The following TNFSF4 variants were observed in gnomAD, a reference collection of about 807,000 sequenced individuals.
The protein encoded by TNFSF4 is TNF superfamily member 4.
TNFSF4 carries 4 observed loss-of-function variants against 7.3 expected under a neutral mutation model. The observed-to-expected ratio is 0.55, with a 90% CI of 0.27 to 1.25. The LOEUF (loss-of-function observed/expected upper bound fraction) is 1.25, where lower values mean the gene tolerates loss of function less well. Among genes scored for constraint, TNFSF4 ranks in the 50% most tolerant of loss-of-function variants. TNFSF4 has a pLI of 0.12. For missense variants in TNFSF4, 181 were observed against 208.8 expected (o/e 0.87, Z 0.82); for synonymous variants, 76 against 83.7 (o/e 0.91, Z 0.50).
At chr1:173,328,448 T>C in the TNFSF4 span, among the ~76,000 whole-genome samples, 2 of 151,898 alleles carry the variant, frequency 1.3e-5, no homozygotes, top group Non-Finnish European at 2.9e-5. Context: ...GGCACATGTA[T>C]ACATATGTAA....
chr1:173,434,184 T>C, the TNFSF4 span, among the ~76,000 whole-genome samples: 1 of 152,226 alleles, frequency 6.6e-6, no homozygotes, highest in East Asian at 1.9e-4. Context: ...TGTGGTATTT[T>C]CTTACAGCAT....
At chr1:173,203,628 C>T (rs752476810) in intron 1 of TNFSF4, among the ~76,000 whole-genome samples, 2 of 152,034 alleles carry the variant, frequency 1.3e-5, no homozygotes, top group Non-Finnish European at 2.9e-5. Flanking sequence ...CCAGCTTTCA[C>T]TGATACAGAA....
At chr1:173,346,623 A>C in the TNFSF4 span, among the ~76,000 whole-genome samples, 1 of 152,314 alleles carries the variant, frequency 6.6e-6, no homozygotes, top group Middle Eastern at 3.4e-3. Context: ...CTACCAAGGG[A>C]GAGATAAAGA....
the TNFSF4 span, among the ~76,000 whole-genome samples, chr1:173,396,460 T>C: frequency 6.6e-6 from 1 of 152,132 alleles, no homozygotes; most frequent in African/African-American, 2.4e-5. Flanking sequence ...CAGTAGGCTA[T>C]GTTCATACCA....
the TNFSF4 span, among the ~76,000 whole-genome samples, chr1:173,438,915 T>C: frequency 0.079 from 12,034 of 152,178 alleles, 1,613 homozygotes; most frequent in African/African-American, 0.27. Context: ...ATGTGGCAAA[T>C]AAATGAGGCT....
the TNFSF4 span, among the ~76,000 whole-genome samples, chr1:173,446,538 G>A: frequency 1.3e-5 from 2 of 152,200 alleles, no homozygotes; most frequent in Non-Finnish European, 2.9e-5. Flanking sequence ...GTTCCTGGGT[G>A]TGTCTGTGAG....
At chr1:173,258,193 A>G in the TNFSF4 span, among the ~76,000 whole-genome samples, 29 of 152,198 alleles carry the variant, frequency 1.9e-4, no homozygotes, top group African/African-American at 6.5e-4. Flanking sequence ...GGGAGGGGCT[A>G]AGATAGCTGA....
chr1:173,281,728 A>G, the TNFSF4 span, among the ~76,000 whole-genome samples: 2 of 152,186 alleles, frequency 1.3e-5, no homozygotes, highest in African/African-American at 4.8e-5. Flanking sequence ...AGGATGGAGT[A>G]ATCAAATCTT....
At chr1:173,386,153 G>A in the TNFSF4 span, among the ~76,000 whole-genome samples, 1 of 152,152 alleles carries the variant, frequency 6.6e-6, no homozygotes, top group Non-Finnish European at 1.5e-5. Flanking sequence ...AGGGGCCCAG[G>A]GTGCCTCTGG....
At chr1:173,298,346 G>A in the TNFSF4 span, among the ~76,000 whole-genome samples, 1 of 151,926 alleles carries the variant, frequency 6.6e-6, no homozygotes, top group African/African-American at 2.4e-5. Flanking sequence ...GAAGAGACAT[G>A]CTCTAAGATG....
At chr1:173,291,640 G>A in the TNFSF4 span, among the ~76,000 whole-genome samples, 1 of 151,904 alleles carries the variant, frequency 6.6e-6, no homozygotes, top group East Asian at 1.9e-4. Context: ...AAAAGAAGTA[G>A]CCAAAATCAG....
the TNFSF4 span, among the ~76,000 whole-genome samples, chr1:173,223,005 G>A: frequency 6.6e-6 from 1 of 152,200 alleles, no homozygotes; most frequent in African/African-American, 2.4e-5. Flanking sequence ...GCAGTCTGGG[G>A]AGACAGTCTA....
the TNFSF4 span, among the ~76,000 whole-genome samples, chr1:173,177,106 T>C: frequency 6.6e-6 from 1 of 152,192 alleles, no homozygotes; most frequent in Non-Finnish European, 1.5e-5. Flanking sequence ...CCCACACATG[T>C]AGCCCTGAAC....
the TNFSF4 span, among the ~76,000 whole-genome samples, chr1:173,389,919 T>C: frequency 6.6e-6 from 1 of 152,332 alleles, no homozygotes. Flanking sequence ...TTCATTAATA[T>C]ATTTATTCAT....
chr1:173,348,333 G>T, the TNFSF4 span, among the ~76,000 whole-genome samples: 1 of 152,096 alleles, frequency 6.6e-6, no homozygotes, highest in South Asian at 2.1e-4. Context: ...CTCTCCTCTT[G>T]TCTGCCACCA....
At chr1:173,410,133 C>T in the TNFSF4 span, among the ~76,000 whole-genome samples, 3 of 152,078 alleles carry the variant, frequency 2.0e-5, no homozygotes, top group Admixed American at 2.0e-4. Flanking sequence ...GGAGGATCAC[C>T]TGAGCCTTGG....
At chr1:173,351,441 T>C in the TNFSF4 span, among the ~76,000 whole-genome samples, 1 of 152,240 alleles carries the variant, frequency 6.6e-6, no homozygotes, top group African/African-American at 2.4e-5. Context: ...TCAAGGTAAA[T>C]CTTCCTGTGA....
chr1:173,352,194 G>T, the TNFSF4 span, among the ~76,000 whole-genome samples: 2 of 152,164 alleles, frequency 1.3e-5, no homozygotes, highest in African/African-American at 4.8e-5. Flanking sequence ...ATGCAGCCCT[G>T]CCAGTGCTCA....
At chr1:173,432,090 A>C in the TNFSF4 span, among the ~76,000 whole-genome samples, 2 of 152,242 alleles carry the variant, frequency 1.3e-5, no homozygotes, top group Non-Finnish European at 2.9e-5. Context: ...GAGGTCCTCC[A>C]CAATTAGCAT....
Sources: gnomAD v4.1 joint callset for allele counts (sites outside exome capture counted in the v4.1 genomes callset) on GRCh38, gnomAD v4.1.1 for gene constraint, MANE v1.5 for transcripts, NCBI Gene and HGNC (gene_info 2026-07-23, HGNC 2026-07-21) for gene names.